THSD4: variants seen among roughly 807,000 people sequenced by gnomAD.
THSD4 encodes thrombospondin type 1 domain containing 4.
A neutral mutation model predicts 119.0 loss-of-function variants in THSD4; 69 were observed. The ratio of observed to expected loss-of-function variants is 0.58; its 90% CI spans 0.48 to 0.71. The LOEUF is 0.71. Among genes scored for constraint, THSD4 ranks in the 30% least tolerant of loss-of-function variants. THSD4 has a pLI of 0.00. For missense variants in THSD4, 1,393 were observed against 1,391.1 expected (o/e 1.00, Z -0.02); for synonymous variants, 524 against 540.4 (o/e 0.97, Z 0.42).
At chr15:71,344,009 G>A (rs2045618453) in intron 6 of THSD4, among the ~76,000 whole-genome samples, 1 of 151,222 alleles carries the variant, frequency 6.6e-6, no homozygotes, top group South Asian at 2.1e-4. Flanking sequence ...GGGGGTTACA[G>A]GCGTGAGCCA....
Position 71,297,536 on chromosome 15 carries a change from A to G in THSD4, c.1015+40821A>G, listed in dbSNP as rs553173393. Among the ~76,000 whole-genome samples, 17 of 152,166 alleles carry G rather than the reference A, an allele frequency of 1.1e-4. No homozygotes were observed. The South Asian group carries it at 2.3e-3, about 20-fold the overall frequency. Reference sequence around the variant, plus strand: ...TTCTTAGTAGAGACAGGGTTTCACCATGTTGGTCAGGCTGGTCTTGAACTC... The same window carrying G: ...TTCTTAGTAGAGACAGGGTTTCACCGTGTTGGTCAGGCTGGTCTTGAACTC... On this transcript the variant is annotated intron_variant, in intron 6 of 17. Transcript: ENST00000261862.
Position 71,489,438 on chromosome 15 carries a change from A to G in THSD4, c.1152+77615A>G, listed in dbSNP as rs544433322. ...AAATTGCATAAATCTCAGGCCGACA[A>G]CCCCCAGGAGCTATCCCCAGCTGCT... On this transcript the variant is annotated intron_variant, in intron 7 of 17. Transcript: ENST00000261862. 2.0e-5 allele frequency among the ~76,000 whole-genome samples: 3 copies of G among 152,040 alleles called. No individual in the cohort carries two copies. In the East Asian group the frequency reaches 5.8e-4, roughly 29 times the overall value.
At chr15:71,748,372 C>A in intron 13 of THSD4, 49 bp from the exon 14 acceptor site, 1 of 1,605,502 alleles carries the variant, frequency 6.2e-7, no homozygotes. Flanking sequence ...CAATTCTCTC[C>A]CAGAGCTGAA....
At chr15:71,521,931 G>A (rs146110178) in intron 7 of THSD4, among the ~76,000 whole-genome samples, 141 of 152,320 alleles carry the variant, frequency 9.3e-4, no homozygotes, top group African/African-American at 3.2e-3. Flanking sequence ...TTGGTGGTGA[G>A]GGGCAAATAC....
chr15:71,771,228 A>T lies in THSD4; in HGVS notation c.2914+20A>T. 2.5e-6 allele frequency: 4 copies of T among 1,612,582 alleles called. No individual in the cohort carries two copies. The highest frequency in any genetic ancestry group is 2.5e-6 in the Non-Finnish European group (3 of 1,179,580). Reference sequence around the variant, plus strand: ...AAGTTGGTAAGTAGAGATTTCAATCATGGGGGAAAGGTTTGTGTTTTTTAA... The same window carrying T: ...AAGTTGGTAAGTAGAGATTTCAATCTTGGGGGAAAGGTTTGTGTTTTTTAA... On this transcript the variant is annotated intron_variant, in intron 17 of 17. Transcript: ENST00000261862.
At chr15:71,282,141 C>T (rs1453260894) in intron 6 of THSD4, among the ~76,000 whole-genome samples, 1 of 152,178 alleles carries the variant, frequency 6.6e-6, no homozygotes, top group East Asian at 1.9e-4. Flanking sequence ...ATGAGGTCAG[C>T]TAACTTATGC....
At chr15:71,367,692 A>G (rs1039803643) in intron 6 of THSD4, among the ~76,000 whole-genome samples, 68 of 152,216 alleles carry the variant, frequency 4.5e-4, no homozygotes, top group Non-Finnish European at 1.9e-4. Flanking sequence ...ATTGATGGAC[A>G]TTTGGGTTGG....
At chr15:71,322,629 C>T (rs2045283268) in intron 6 of THSD4, among the ~76,000 whole-genome samples, 1 of 152,176 alleles carries the variant, frequency 6.6e-6, no homozygotes, top group Admixed American at 6.5e-5. Context: ...CAGTGTCTGT[C>T]ATGGGGTTGC....
intron 7 of THSD4, among the ~76,000 whole-genome samples, chr15:71,540,852 A>G (rs998773563): frequency 1.2e-4 from 18 of 150,630 alleles, no homozygotes; most frequent in Non-Finnish European, 2.7e-4. Context: ...CCTCCCGAGT[A>G]GATGGGATTA....
chr15:71,295,983 T>A (rs1295993716), intron 6 of THSD4, among the ~76,000 whole-genome samples: 1 of 152,246 alleles, frequency 6.6e-6, no homozygotes, highest in East Asian at 1.9e-4. Context: ...CTGTAGCATG[T>A]ATTGATAGCC....
At chr15:71,106,700 A>G (rs892616685) in intron 1 of THSD4, among the ~76,000 whole-genome samples, 2 of 152,006 alleles carry the variant, frequency 1.3e-5, no homozygotes, top group Admixed American at 1.3e-4. Context: ...GCAGTAACAA[A>G]CTCAAATCTC....
At chr15:71,693,993 T>C (rs2052108470) in intron 8 of THSD4, among the ~76,000 whole-genome samples, 1 of 150,322 alleles carries the variant, frequency 6.7e-6, no homozygotes, top group Non-Finnish European at 1.5e-5. Flanking sequence ...CAGGCCTGGA[T>C]GACAGAGTGA....
intron 5 of THSD4, among the ~76,000 whole-genome samples, chr15:71,250,293 C>T (rs2044246421): frequency 6.6e-6 from 1 of 152,156 alleles, no homozygotes; most frequent in Admixed American, 6.6e-5. Context: ...CGGAAATAGC[C>T]ACTAAGAAAT....
At chr15:71,480,556 C>T (rs1260277355) in intron 7 of THSD4, among the ~76,000 whole-genome samples, 2 of 152,176 alleles carry the variant, frequency 1.3e-5, no homozygotes, top group Non-Finnish European at 2.9e-5. Flanking sequence ...CCTTCTTGCT[C>T]GTGAGTTTTC....
chr15:71,434,765 A>G (rs928481425), intron 7 of THSD4, among the ~76,000 whole-genome samples: 2 of 152,166 alleles, frequency 1.3e-5, no homozygotes, highest in Admixed American at 6.5e-5. Flanking sequence ...ATTTCTAACC[A>G]TTTCTAACCA....
intron 7 of THSD4, among the ~76,000 whole-genome samples, chr15:71,440,175 A>G (rs2047070984): frequency 6.6e-6 from 1 of 152,172 alleles, no homozygotes; most frequent in Non-Finnish European, 1.5e-5. Context: ...TGGACTGAAT[A>G]TGATCATGCA....
chr15:71,618,415 CAG>C (rs1435383050), intron 7 of THSD4, among the ~76,000 whole-genome samples: 2 of 152,156 alleles, frequency 1.3e-5, no homozygotes, highest in African/African-American at 2.4e-5. Context: ...TCAAAAACAA[CAG>C]AGCGCAGAAA....
At chr15:71,771,237 AG>A in intron 17 of THSD4, 29 bp downstream of exon 17, 3 of 1,611,012 alleles carry the variant, frequency 1.9e-6, no homozygotes, top group Non-Finnish European at 2.5e-6. Flanking sequence ...CATGGGGGAA[AG>A]GTTTGTGTTT....
At position 71,561,935 on chromosome 15, in the gene THSD4, C is replaced by CTCTT. The variant is rs1485733171; in HGVS notation, c.1153-98592_1153-98591insTTCT. On this transcript the variant is annotated intron_variant, in intron 7 of 17. Transcript: ENST00000261862. ...ACACACACACAAACACTCACTCACT[C>CTCTT]TCTCTCTTCTCTAGAGCCAGAAAGT... is the stretch of plus-strand genomic sequence containing the variant. Among the ~76,000 whole-genome samples, 5 of 149,714 alleles carry CTCTT rather than the reference C, an allele frequency of 3.3e-5. 1 individual carries two copies. The highest frequency in any genetic ancestry group is 1.2e-4 in the African/African-American group (5 of 40,484).
Sources: gnomAD v4.1 joint callset for allele counts (sites outside exome capture counted in the v4.1 genomes callset) on GRCh38, gnomAD v4.1.1 for gene constraint, MANE v1.5 for transcripts, NCBI Gene and HGNC (gene_info 2026-07-23, HGNC 2026-07-21) for gene names.